Variants in ZMAT4 observed in about 807,000 individuals in gnomAD.
ZMAT4 encodes the protein zinc finger matrin-type 4.
ZMAT4 carries 17 observed loss-of-function variants against 28.7 expected under a neutral mutation model. The observed-to-expected ratio is 0.59, with a 90% confidence interval of 0.41 to 0.89. ZMAT4 has a LOEUF of 0.89. ZMAT4 is among the 40% of genes least tolerant of loss of function. The probability of loss-of-function intolerance (pLI) is 0.00; values close to 1 mark genes in which losing one functional copy is unlikely to be tolerated. For synonymous variants in ZMAT4, 117 were observed against 109.2 expected (o/e 1.07, Z -0.44); for missense variants, 240 against 283.8 (o/e 0.85, Z 1.11).
At chr8:40,669,542 C>G (rs749129335) in intron 5 of ZMAT4, among the ~76,000 whole-genome samples, 6 of 152,020 alleles carry the variant, frequency 3.9e-5, no homozygotes, top group Non-Finnish European at 7.4e-5. Flanking sequence ...TCCACCTACT[C>G]AACATGAAGA....
chr8:40,870,394 T>C (rs1042110941), intron 1 of ZMAT4, among the ~76,000 whole-genome samples: 1 of 152,140 alleles, frequency 6.6e-6, no homozygotes, highest in Non-Finnish European at 1.5e-5. Flanking sequence ...AATTAAAATG[T>C]TTTTTCTCCT....
chr8:40,691,944 C>G (rs1809683438), intron 4 of ZMAT4, among the ~76,000 whole-genome samples: 1 of 152,104 alleles, frequency 6.6e-6, no homozygotes. Flanking sequence ...TAAGATCAAG[C>G]AAGTGGACAG....
intron 6 of ZMAT4, among the ~76,000 whole-genome samples, chr8:40,570,076 C>A (rs779638910): frequency 6.6e-6 from 1 of 152,074 alleles, no homozygotes; most frequent in Non-Finnish European, 1.5e-5. Flanking sequence ...ACTAATGACA[C>A]GTGTAATTAA....
intron 1 of ZMAT4, among the ~76,000 whole-genome samples, chr8:40,896,873 A>T (rs1373374893): frequency 6.6e-6 from 1 of 151,964 alleles, no homozygotes. Context: ...CACCTCCCAG[A>T]GCTGCGGGGA....
chr8:40,893,647 C>T (rs559383357), intron 1 of ZMAT4, among the ~76,000 whole-genome samples: 8 of 152,328 alleles, frequency 5.3e-5, no homozygotes, highest in African/African-American at 1.9e-4. Flanking sequence ...TTTGACTGTG[C>T]ACATCTTTTG....
intron 5 of ZMAT4, among the ~76,000 whole-genome samples, chr8:40,645,293 G>A (rs1469550070): frequency 2.6e-5 from 4 of 152,000 alleles, no homozygotes; most frequent in Admixed American, 6.6e-5. Context: ...ACATGGATAG[G>A]AATGAAAATT....
intron 5 of ZMAT4, among the ~76,000 whole-genome samples, chr8:40,670,805 A>G (rs1354453539): frequency 6.6e-6 from 1 of 152,198 alleles, no homozygotes; most frequent in Non-Finnish European, 1.5e-5. Context: ...GTGGTGGCTC[A>G]CACCTGTAAT....
rs144741823 is a variant in ZMAT4, at chr8:40,726,626, C to T, written c.193-29225G>A. Among the ~76,000 whole-genome samples, 154 of 152,264 alleles carry T rather than the reference C, an allele frequency of 1.0e-3. 1 individual carries two copies. The highest frequency in any genetic ancestry group is 3.6e-3 in the African/African-American group (148 of 41,548). ...GTCAGAAGTCAGCAAACCACACAAC[C>T]CAAACCATAGTCAGCAAACCCACAA... On this transcript the variant is annotated intron_variant, in intron 3 of 6. Coordinates refer to ENST00000297737, the MANE Select transcript of ZMAT4 (RefSeq NM_024645.3).
At chr8:40,834,504 T>C (rs559454872) in intron 1 of ZMAT4, among the ~76,000 whole-genome samples, 393 of 152,222 alleles carry the variant, frequency 2.6e-3, no homozygotes, top group Non-Finnish European at 4.1e-3. Flanking sequence ...ACAACATCAC[T>C]TGGATTCTCT....
chr8:40,770,239 T>G (rs1042464522), intron 2 of ZMAT4, among the ~76,000 whole-genome samples: 2 of 152,208 alleles, frequency 1.3e-5, no homozygotes, highest in African/African-American at 2.4e-5. Flanking sequence ...CTGGACCAGA[T>G]TCACTGCTTT....
chr8:40,875,737 G>T (rs924106680), intron 1 of ZMAT4, among the ~76,000 whole-genome samples: 12 of 152,214 alleles, frequency 7.9e-5, no homozygotes, highest in Middle Eastern at 3.4e-3. Context: ...TACAAGTTCT[G>T]CCCACAGTGC....
chr8:40,537,211 A>G (rs749813420), intron 6 of ZMAT4, among the ~76,000 whole-genome samples: 2 of 152,234 alleles, frequency 1.3e-5, no homozygotes, highest in Non-Finnish European at 2.9e-5. Context: ...CTAACAGGTT[A>G]TAGACTTTTT....
intron 1 of ZMAT4, among the ~76,000 whole-genome samples, chr8:40,890,041 G>A (rs1359818845): frequency 5.3e-5 from 8 of 152,158 alleles, no homozygotes; most frequent in Non-Finnish European, 1.2e-4. Flanking sequence ...AATGGATAAC[G>A]ATAACTTGTT....
intron 5 of ZMAT4, among the ~76,000 whole-genome samples, chr8:40,603,555 G>C (rs1805472755): frequency 1.3e-5 from 2 of 152,176 alleles, no homozygotes; most frequent in South Asian, 4.1e-4. Context: ...ACCTATTCGT[G>C]AGCATGGGAT....
chr8:40,545,655 T>A (rs1443750565), intron 6 of ZMAT4, among the ~76,000 whole-genome samples: 1 of 152,028 alleles, frequency 6.6e-6, no homozygotes, highest in Non-Finnish European at 1.5e-5. Flanking sequence ...AAGCCAAAGG[T>A]CTACCAGAAG....
rs16889614 is a variant in ZMAT4 at position 40,578,908 on chromosome 8, C to T, written c.674+2257G>A. Among the ~76,000 whole-genome samples, 1,511 of 152,278 alleles carry T rather than the reference C, an allele frequency of 9.9e-3. 31 individuals are homozygous for T. Among genetic ancestry groups the T allele is most frequent in the African/African-American group, 0.035 (1,457 of 41,542 alleles). On this transcript the variant is annotated intron_variant, in intron 6 of 6. Transcript: ENST00000297737. ...TTGGCTCCCATTCCAAGCCTAAGTTCGTGTTAACTGAATGACATGGAGTAA... is the reference window on the plus strand; with the variant it reads ...TTGGCTCCCATTCCAAGCCTAAGTTTGTGTTAACTGAATGACATGGAGTAA...
At chr8:40,825,747 G>A (rs76488668) in intron 1 of ZMAT4, 67 bp from the exon 2 acceptor site, 60,076 of 1,300,774 alleles carry the variant, frequency 0.046, 1,612 homozygotes, top group Middle Eastern at 0.082. Flanking sequence ...GATATTAACC[G>A]TATGAAAAGC....
intron 5 of ZMAT4, among the ~76,000 whole-genome samples, chr8:40,646,244 T>G (rs145064361): frequency 6.6e-6 from 1 of 152,144 alleles, no homozygotes; most frequent in African/African-American, 2.4e-5. Flanking sequence ...TCTCATCTAT[T>G]TTTTGCTTCT....
intron 5 of ZMAT4, among the ~76,000 whole-genome samples, chr8:40,648,281 A>G (rs960169404): frequency 6.6e-6 from 1 of 151,992 alleles, no homozygotes; most frequent in African/African-American, 2.4e-5. Context: ...AAGAATGCAG[A>G]AGCCTCAGGA....
Sources: allele counts gnomAD v4.1 joint callset (sites outside exome capture counted in the v4.1 genomes callset), GRCh38; gene constraint gnomAD v4.1.1; transcripts MANE v1.5; gene names NCBI Gene and HGNC (gene_info 2026-07-23, HGNC 2026-07-21).